SLCO4C1: variants seen among roughly 807,000 people sequenced by gnomAD.
SLCO4C1 encodes solute carrier organic anion transporter family member 4C1.
In SLCO4C1, 58 loss-of-function variants were observed where a neutral mutation model predicts 72.1. The ratio of observed to expected loss-of-function variants is 0.80; its 90% CI spans 0.65 to 1.00. The LOEUF (loss-of-function observed/expected upper bound fraction) is 1.00. Ranked by LOEUF, SLCO4C1 falls within the 50% of genes least tolerant of loss-of-function variation. SLCO4C1 has a pLI of 0.00. For synonymous variants in SLCO4C1, 297 were observed against 312.5 expected (o/e 0.95, Z 0.52); for missense variants, 898 against 857.9 (o/e 1.05, Z -0.58).
chr5:102,238,837 C>T (rs989340820), intron 12 of SLCO4C1, among the ~76,000 whole-genome samples: 6 of 152,082 alleles, frequency 3.9e-5, no homozygotes, highest in African/African-American at 9.7e-5. Flanking sequence ...TTCCTTACAA[C>T]GTGCCTTGGA....
chr5:102,239,269 G>A lies in SLCO4C1; in HGVS notation c.1996C>T (p.His666Tyr), dbSNP rs376518748. 3.1e-6 allele frequency: 5 copies of A among 1,587,716 alleles called. No homozygotes were observed. The highest frequency in any genetic ancestry group is 4.3e-6 in the Non-Finnish European group (5 of 1,168,200). Residue 666 changes from histidine to tyrosine, a missense_variant, in exon 12 of 13, where the codon CAT becomes TAT. Transcript: ENST00000310954. ...CACTTACTTATGGCTACTAGCATATGGGCCATCTTGATGTTATCATAAATC... is the reference window on the plus strand; with the variant it reads ...CACTTACTTATGGCTACTAGCATATAGGCCATCTTGATGTTATCATAAATC... ...CWIYDNIKMA[H>Y]MLVAISVTCK...
At position 102,291,599 on chromosome 5, in the gene SLCO4C1, T is replaced by C; in HGVS notation, c.363A>G (p.Val121=). ...TGCTAATATTTACTAGGCCATTAACTACAATACCTAAAAAACAGAAAAGTT... is the reference window on the plus strand; with the variant it reads ...TGCTAATATTTACTAGGCCATTAACCACAATACCTAAAAAACAGAAAAGTT... ...YCLLAVTQGI[V]VNGLVNISIS... is the part of the protein sequence containing the mutation. The change falls in exon 2 of 13, where the codon GTA becomes GTG. Residue 121 remains valine (V), a synonymous_variant. Coordinates refer to ENST00000310954, the MANE Select transcript of SLCO4C1 (RefSeq NM_180991.5). 1.2e-6 allele frequency: 2 copies of C among 1,602,670 alleles called. No homozygotes were observed. Among genetic ancestry groups the C allele is most frequent in the Non-Finnish European group, 1.7e-6 (2 of 1,174,806 alleles).
chr5:102,280,699 G>C (rs1749338485), intron 2 of SLCO4C1, among the ~76,000 whole-genome samples: 1 of 152,064 alleles, frequency 6.6e-6, no homozygotes, highest in Non-Finnish European at 1.5e-5. Flanking sequence ...CATGGTCGCA[G>C]GCGAGAGAGC....
chr5:102,241,589 A>G (rs1748540635), intron 10 of SLCO4C1, among the ~76,000 whole-genome samples: 1 of 152,182 alleles, frequency 6.6e-6, no homozygotes, highest in African/African-American at 2.4e-5. Context: ...GATGAAAGAA[A>G]TTGAAGAAGC....
intron 2 of SLCO4C1, among the ~76,000 whole-genome samples, chr5:102,284,933 T>C (rs1749422763): frequency 6.6e-6 from 1 of 152,148 alleles, no homozygotes; most frequent in South Asian, 2.1e-4. Context: ...TTAGAGCACC[T>C]AGCATTTCAT....
chr5:102,273,697 A>G (rs1430374250), intron 2 of SLCO4C1, among the ~76,000 whole-genome samples: 3 of 152,210 alleles, frequency 2.0e-5, no homozygotes, highest in Non-Finnish European at 4.4e-5. Flanking sequence ...GAAAAACACT[A>G]CTAAAGGGTA....
At chr5:102,258,392 G>T (rs1265281804) in intron 6 of SLCO4C1, among the ~76,000 whole-genome samples, 2 of 152,234 alleles carry the variant, frequency 1.3e-5, no homozygotes, top group African/African-American at 2.4e-5. Flanking sequence ...CCCTTCCCCA[G>T]TGTTACTGTA....
intron 3 of SLCO4C1, among the ~76,000 whole-genome samples, chr5:102,264,730 C>T (rs1244512665): frequency 6.6e-6 from 1 of 151,972 alleles, no homozygotes; most frequent in Admixed American, 6.6e-5. Context: ...TTTATTTCTC[C>T]TAACTGTAGT....
At chr5:102,245,123 CA>C (rs1748613451) in intron 10 of SLCO4C1, among the ~76,000 whole-genome samples, 1 of 152,054 alleles carries the variant, frequency 6.6e-6, no homozygotes, top group Non-Finnish European at 1.5e-5. Flanking sequence ...ATAGAAACAA[CA>C]AAAGAATAAA....
intron 2 of SLCO4C1, among the ~76,000 whole-genome samples, chr5:102,273,599 CA>C (rs1402428783): frequency 6.6e-6 from 1 of 152,044 alleles, no homozygotes; most frequent in Admixed American, 6.6e-5. Context: ...TATGCTTAGC[CA>C]AATTGTCATT....
At chr5:102,239,177 A>G in intron 12 of SLCO4C1, 74 bp downstream of exon 12, 1 of 1,374,218 alleles carries the variant, frequency 7.3e-7, no homozygotes, top group Non-Finnish European at 9.7e-7. Context: ...TGTGACCCTA[A>G]GTAACCAACA....
chr5:102,250,483 CG>C (rs1385359782), intron 8 of SLCO4C1, among the ~76,000 whole-genome samples: 7 of 152,058 alleles, frequency 4.6e-5, no homozygotes, highest in Non-Finnish European at 8.8e-5. Flanking sequence ...TGCTGGGTAA[CG>C]GGAATACAAA....
chr5:102,257,816 C>T, intron 7 of SLCO4C1, 127 bp downstream of exon 7: 1 of 834,618 alleles, frequency 1.2e-6, no homozygotes, highest in Non-Finnish European at 1.9e-6. Context: ...GACAGGGTTT[C>T]ACCATGTTGG....
chr5:102,279,196 T>C (rs1749308634), intron 2 of SLCO4C1, among the ~76,000 whole-genome samples: 2 of 151,880 alleles, frequency 1.3e-5, no homozygotes, highest in South Asian at 4.1e-4. Context: ...AATAAATAAA[T>C]ACTAGGAACA....
chr5:102,258,259 T>C (rs1213360524), intron 6 of SLCO4C1, among the ~76,000 whole-genome samples, 172 bp from the exon 7 acceptor site: 1 of 152,142 alleles, frequency 6.6e-6, no homozygotes, highest in East Asian at 1.9e-4. Context: ...TACACATACA[T>C]GATGAGAAAA....
chr5:102,284,197 G>A (rs1478404936), intron 2 of SLCO4C1, among the ~76,000 whole-genome samples: 1 of 151,960 alleles, frequency 6.6e-6, no homozygotes, highest in Non-Finnish European at 1.5e-5. Flanking sequence ...TGTGGACAGA[G>A]AATCCCAAAT....
intron 11 of SLCO4C1, among the ~76,000 whole-genome samples, chr5:102,240,307 T>C (rs1241755835): frequency 6.6e-6 from 1 of 152,140 alleles, no homozygotes; most frequent in African/African-American, 2.4e-5. Context: ...ACAAATTCTT[T>C]CTTCCAATAA....
Position 102,255,980 on chromosome 5 carries a change from C to T in SLCO4C1, c.1469+1135G>A, listed in dbSNP as rs184427097. Among the ~76,000 whole-genome samples, 261 of 152,096 alleles carry T rather than the reference C, an allele frequency of 1.7e-3. 1 individual carries two copies. Among genetic ancestry groups the T allele is most frequent in the Non-Finnish European group, 1.6e-3 (111 of 67,980 alleles). ...CAGCACTTTGGGTGGCCGAGCCAGG[C>T]AGATCACTTGAGGTCAGAAGTTTGA... On this transcript the variant is annotated intron_variant, in intron 8 of 12. Transcript: ENST00000310954.
intron 10 of SLCO4C1, among the ~76,000 whole-genome samples, chr5:102,241,344 T>C (rs1054054080): frequency 2.6e-5 from 4 of 152,120 alleles, no homozygotes; most frequent in African/African-American, 7.2e-5. Flanking sequence ...CATGGTCATA[T>C]ATGTAGAAAA....
Sources: allele counts gnomAD v4.1 joint callset (sites outside exome capture counted in the v4.1 genomes callset), GRCh38; gene constraint gnomAD v4.1.1; transcripts MANE v1.5; gene names NCBI Gene and HGNC (gene_info 2026-07-23, HGNC 2026-07-21).